The following AFF3 variants were observed in gnomAD, a reference collection of about 807,000 sequenced individuals.
AFF3 encodes ALF transcription elongation factor 3, also known as AF4/FMR2 family member 3.
Under a neutral mutation model 129.7 loss-of-function variants are expected in AFF3, and 32 were observed. That is an observed-to-expected ratio of 0.25 (90% CI 0.19 to 0.33). AFF3 has a LOEUF of 0.33. AFF3 is among the 10% of genes least tolerant of loss of function. AFF3 has a pLI of 1.00. For missense variants in AFF3, 1,373 were observed against 1,592.0 expected (o/e 0.86, Z 2.34); for synonymous variants, 644 against 635.4 (o/e 1.01, Z -0.20).
chr2:99,694,657 T>C (rs1189751987), intron 11 of AFF3, among the ~76,000 whole-genome samples: 1 of 152,122 alleles, frequency 6.6e-6, no homozygotes, highest in Non-Finnish European at 1.5e-5. Flanking sequence ...CTAGGAGCTA[T>C]GTTAAAAAAG....
At chr2:99,565,923 C>T (rs1460400055) in intron 19 of AFF3, among the ~76,000 whole-genome samples, 1 of 152,182 alleles carries the variant, frequency 6.6e-6, no homozygotes, top group Non-Finnish European at 1.5e-5. Context: ...TTTCTAACCC[C>T]TAATGGTTTG....
At chr2:100,140,266 T>C (rs527881809) in intron 1 of AFF3, among the ~76,000 whole-genome samples, 2 of 152,346 alleles carry the variant, frequency 1.3e-5, no homozygotes, top group African/African-American at 2.4e-5. Context: ...TCAACCTTGA[T>C]AGGCAAGACA....
At chr2:99,586,522 C>A (rs897141723) in intron 16 of AFF3, among the ~76,000 whole-genome samples, 1 of 152,156 alleles carries the variant, frequency 6.6e-6, no homozygotes, top group Non-Finnish European at 1.5e-5. Flanking sequence ...AAGTGGTTTC[C>A]GTGCTGTGGT....
chr2:99,683,115 G>C (rs924966924), intron 11 of AFF3, among the ~76,000 whole-genome samples: 2 of 152,174 alleles, frequency 1.3e-5, no homozygotes, highest in Non-Finnish European at 2.9e-5. Flanking sequence ...CTCTTCTCCA[G>C]ATCAAACTGA....
intron 7 of AFF3, among the ~76,000 whole-genome samples, chr2:99,912,410 A>G (rs1695163165): frequency 6.6e-6 from 1 of 152,244 alleles, no homozygotes; most frequent in African/African-American, 2.4e-5. Context: ...CAAATACCGC[A>G]TAACTTGTTA....
chr2:99,978,384 T>C (rs796955489), intron 7 of AFF3, among the ~76,000 whole-genome samples: 11 of 152,292 alleles, frequency 7.2e-5, no homozygotes, highest in African/African-American at 2.6e-4. Flanking sequence ...GGTCTTAACA[T>C]TGCCAATGCC....
At chr2:99,645,033 C>T (rs1384291826) in intron 13 of AFF3, among the ~76,000 whole-genome samples, 1 of 152,200 alleles carries the variant, frequency 6.6e-6, no homozygotes, top group Admixed American at 6.5e-5. Flanking sequence ...GGCTTCTTTA[C>T]TTTGTCAAGA....
chr2:99,924,946 G>A (rs1479347311), intron 7 of AFF3, among the ~76,000 whole-genome samples: 2 of 151,708 alleles, frequency 1.3e-5, no homozygotes, highest in African/African-American at 4.8e-5. Flanking sequence ...CTTGATCATG[G>A]CTCACTGCAG....
chr2:99,778,453 C>G (rs1003193186), intron 8 of AFF3, among the ~76,000 whole-genome samples: 1 of 152,154 alleles, frequency 6.6e-6, no homozygotes, highest in Non-Finnish European at 1.5e-5. Context: ...ATAAGCACAC[C>G]AGCAGGATGC....
chr2:100,002,634 C>T (rs528501576), intron 7 of AFF3, among the ~76,000 whole-genome samples: 2 of 152,184 alleles, frequency 1.3e-5, no homozygotes, highest in Non-Finnish European at 2.9e-5. Flanking sequence ...TGTCTCTTTC[C>T]TTACCACTGA....
chr2:99,760,532 C>G (rs1367781844), intron 8 of AFF3, among the ~76,000 whole-genome samples: 1 of 152,196 alleles, frequency 6.6e-6, no homozygotes, highest in African/African-American at 2.4e-5. Context: ...GCTTGCTCCA[C>G]ATTATTTTAT....
chr2:99,782,075 C>A (rs534418036), intron 8 of AFF3, among the ~76,000 whole-genome samples: 2 of 152,148 alleles, frequency 1.3e-5, no homozygotes, highest in African/African-American at 4.8e-5. Context: ...GCTTCAGAAA[C>A]CTGAAAGGGT....
intron 7 of AFF3, among the ~76,000 whole-genome samples, chr2:99,912,657 AAC>A: frequency 6.6e-6 from 1 of 152,192 alleles, no homozygotes. Context: ...TCAATCAGGA[AAC>A]CATAAATTTA....
rs1231709333 is a variant in AFF3, at chr2:99,649,669, G to A, written c.1144-3C>T. On this transcript the variant is annotated splice_polypyrimidine_tract_variant and splice_region_variant and intron_variant, in intron 12 of 24. Transcript: ENST00000672756. ...AGAGCCGTTCTCTGAGCTGCCTGCTGGAAGAAAGAAAGGGCAGAGATGTTT... is the reference window on the plus strand; with the variant it reads ...AGAGCCGTTCTCTGAGCTGCCTGCTAGAAGAAAGAAAGGGCAGAGATGTTT... The A allele has an allele frequency of 2.5e-6, 4 of 1,613,928 alleles. No individual in the cohort carries two copies. Among genetic ancestry groups the A allele is most frequent in the African/African-American group, 2.7e-5 (2 of 74,902 alleles).
chr2:99,752,089 T>C, intron 9 of AFF3, 132 bp downstream of exon 9: 1 of 756,602 alleles, frequency 1.3e-6, no homozygotes, highest in South Asian at 2.0e-5. Flanking sequence ...TTGCAAATTG[T>C]GAAGGATCAG....
intron 1 of AFF3, among the ~76,000 whole-genome samples, chr2:100,135,602 G>A (rs924149567): frequency 3.3e-5 from 5 of 152,308 alleles, no homozygotes; most frequent in East Asian, 3.9e-4. Context: ...AGCCAGCCCA[G>A]ACAACCAAAT....
chr2:100,078,028 AGCCAG>A (rs1688726011), intron 4 of AFF3, among the ~76,000 whole-genome samples: 1 of 152,330 alleles, frequency 6.6e-6, no homozygotes, highest in Admixed American at 6.5e-5. Context: ...TCCTGCCCTA[AGCCAG>A]TTCCCTTGGC....
At chr2:99,625,440 G>C (rs964512448) in intron 13 of AFF3, among the ~76,000 whole-genome samples, 2 of 152,142 alleles carry the variant, frequency 1.3e-5, no homozygotes, top group Admixed American at 6.5e-5. Flanking sequence ...AAAGATGTGT[G>C]GTGCTGAGCA....
intron 13 of AFF3, among the ~76,000 whole-genome samples, chr2:99,648,909 A>ACTCTCTCTCTCTCTCTCTCTCTCT (rs1553416890): frequency 3.0e-4 from 13 of 43,058 alleles, no homozygotes; most frequent in South Asian, 2.1e-3. Context: ...ACACACACAC[A>ACTCTCTCTCTCTCTCTCTCTCTCT]CACACACACT....
Sources: allele counts gnomAD v4.1 joint callset (sites outside exome capture counted in the v4.1 genomes callset), GRCh38; gene constraint gnomAD v4.1.1; transcripts MANE v1.5; gene names NCBI Gene and HGNC (gene_info 2026-07-23, HGNC 2026-07-21).